EPM2A: variants seen among roughly 807,000 people sequenced by gnomAD.
EPM2A encodes EPM2A glucan phosphatase, laforin, also known as laforin.
A neutral mutation model predicts 26.5 loss-of-function variants in EPM2A; 21 were observed. The observed-to-expected ratio is 0.79, with a 90% CI of 0.56 to 1.14. The LOEUF (loss-of-function observed/expected upper bound fraction) is 1.14. Ranked by LOEUF, EPM2A falls within the 50% of genes most tolerant of loss-of-function variation. The pLI is 0.00. For missense variants in EPM2A, 458 were observed against 440.8 expected (o/e 1.04, Z -0.35); for synonymous variants, 217 against 177.6 (o/e 1.22, Z -1.76).
At chr6:145,692,550 A>T (rs1781342109) in intron 1 of EPM2A, among the ~76,000 whole-genome samples, 1 of 152,056 alleles carries the variant, frequency 6.6e-6, no homozygotes, top group South Asian at 2.1e-4. Context: ...AAATAGTTTT[A>T]GGTTTTATAT....
rs1032839626 is a variant in EPM2A, at chr6:145,627,297, C to T, written c.*119G>A. On this transcript the variant is annotated 3_prime_UTR_variant, in exon 4 of 4. Transcript: ENST00000367519. The stretch of plus-strand genomic sequence containing the variant: ...AGTCATCCCAGGTGAAAGTGGTTGG[C>T]TTGGGGGAGGTCACACAGTCCTTTC... 8 of 1,584,568 alleles carry T rather than the reference C, an allele frequency of 5.0e-6. No homozygotes were observed. In the African/African-American group the frequency reaches 9.5e-5, roughly 19 times the overall value.
intron 4 of EPM2A, among the ~76,000 whole-genome samples, chr6:145,431,324 C>T (rs370126058): frequency 1.2e-3 from 188 of 152,124 alleles, no homozygotes; most frequent in African/African-American, 4.2e-3. Context: ...TGGATGAATA[C>T]CAACAAAAGA....
chr6:145,384,292 A>G (rs1778228844), intron 4 of EPM2A, among the ~76,000 whole-genome samples: 1 of 152,214 alleles, frequency 6.6e-6, no homozygotes, highest in African/African-American at 2.4e-5. Flanking sequence ...ACTATTAACA[A>G]TATCAACAAA....
chr6:145,597,594 T>A (rs1781365083), intron 2 of EPM2A, among the ~76,000 whole-genome samples: 1 of 152,118 alleles, frequency 6.6e-6, no homozygotes, highest in South Asian at 2.1e-4. Context: ...AACTTTTCTT[T>A]TAGGTTTGGG....
At chr6:145,429,478 GAAAT>G (rs1056903522) in intron 4 of EPM2A, among the ~76,000 whole-genome samples, 7 of 151,796 alleles carry the variant, frequency 4.6e-5, no homozygotes, top group Non-Finnish European at 1.0e-4. Flanking sequence ...ACAATGTTCT[GAAAT>G]AATTAAAAAA....
intron 1 of EPM2A, among the ~76,000 whole-genome samples, chr6:145,709,455 G>A (rs949732343): frequency 6.6e-6 from 1 of 152,076 alleles, no homozygotes; most frequent in Non-Finnish European, 1.5e-5. Context: ...TTTTATAAAG[G>A]GGAGTTCTCC....
At chr6:145,397,740 A>G (rs1037070535) in intron 4 of EPM2A, among the ~76,000 whole-genome samples, 1 of 152,170 alleles carries the variant, frequency 6.6e-6, no homozygotes, top group African/African-American at 2.4e-5. Flanking sequence ...TTATTGACCA[A>G]CCTGTGTGCT....
chr6:145,592,059 G>A (rs1260774388), intron 2 of EPM2A, among the ~76,000 whole-genome samples: 3 of 151,856 alleles, frequency 2.0e-5, no homozygotes, highest in Non-Finnish European at 4.4e-5. Flanking sequence ...TGTGCACAAA[G>A]TGCAGGTTTG....
intron 4 of EPM2A, among the ~76,000 whole-genome samples, chr6:145,476,125 T>A (rs1019996222): frequency 2.0e-5 from 3 of 152,038 alleles, no homozygotes; most frequent in Admixed American, 6.6e-5. Flanking sequence ...TTTGCTATAC[T>A]CATATAAGAC....
At chr6:145,521,945 A>G (rs746426144) in intron 2 of EPM2A, among the ~76,000 whole-genome samples, 7 of 152,136 alleles carry the variant, frequency 4.6e-5, no homozygotes, top group Non-Finnish European at 8.8e-5. Flanking sequence ...GGCCCTAAGT[A>G]TAAGTATTGC....
chr6:145,488,495 T>TGTGTG (rs1779706637), intron 4 of EPM2A, among the ~76,000 whole-genome samples: 1 of 131,948 alleles, frequency 7.6e-6, no homozygotes, highest in Non-Finnish European at 1.6e-5. Context: ...ATTTGTGTGG[T>TGTGTG]TGTGTGTGTG....
At chr6:145,725,653 C>T (rs1006171836) in intron 1 of EPM2A, among the ~76,000 whole-genome samples, 2 of 151,964 alleles carry the variant, frequency 1.3e-5, no homozygotes, top group African/African-American at 2.4e-5. Flanking sequence ...TTAAGTGACA[C>T]AAGCCAGTCT....
chr6:145,481,544 A>C (rs904094269), intron 4 of EPM2A, among the ~76,000 whole-genome samples: 2 of 152,100 alleles, frequency 1.3e-5, no homozygotes, highest in Non-Finnish European at 2.9e-5. Context: ...ATAGTTAACT[A>C]TAAGGGGCCA....
chr6:145,484,980 A>C (rs1416737577), intron 4 of EPM2A, among the ~76,000 whole-genome samples: 1 of 126,980 alleles, frequency 7.9e-6, no homozygotes, highest in Non-Finnish European at 1.6e-5. Context: ...TGTCTGATTA[A>C]TGACATTAAA....
At chr6:145,592,983 C>A (rs943615615) in intron 2 of EPM2A, among the ~76,000 whole-genome samples, 1 of 151,898 alleles carries the variant, frequency 6.6e-6, no homozygotes, top group African/African-American at 2.4e-5. Flanking sequence ...TATAAATAAT[C>A]TAAACACACC....
At chr6:145,705,579 G>C in intron 1 of EPM2A, 1 of 456,232 alleles carries the variant, frequency 2.2e-6, no homozygotes, top group South Asian at 1.5e-5. Context: ...AAGAAAAAGT[G>C]CAGGGGTTTG....
intron 4 of EPM2A, among the ~76,000 whole-genome samples, chr6:145,441,107 T>C (rs1027922966): frequency 9.2e-5 from 14 of 152,226 alleles, no homozygotes; most frequent in African/African-American, 3.4e-4. Context: ...GGCATTTCCA[T>C]ACATCCCCTG....
chr6:145,432,003 T>A lies in EPM2A; in HGVS notation c.556-47906A>T, dbSNP rs140207226. On this transcript the variant is annotated intron_variant, in intron 4 of 4. Coordinates refer to the EPM2A transcript ENST00000638717. ...CTCAGAAAATCACATTTTTTATTCATCCATGAGAAGCAATCCCTTTTCTAT... is the reference window on the plus strand; with the variant it reads ...CTCAGAAAATCACATTTTTTATTCAACCATGAGAAGCAATCCCTTTTCTAT... Among the ~76,000 whole-genome samples the A allele has an allele frequency of 4.9e-4, 74 of 152,340 alleles. 1 individual carries two copies. Among genetic ancestry groups the A allele is most frequent in the African/African-American group, 1.6e-3 (68 of 41,578 alleles).
At chr6:145,510,615 T>G (rs1780042473) in intron 2 of EPM2A, among the ~76,000 whole-genome samples, 1 of 152,082 alleles carries the variant, frequency 6.6e-6, no homozygotes, top group Admixed American at 6.5e-5. Flanking sequence ...ATATTTATAG[T>G]GCTAAATGCC....
Sources: allele counts gnomAD v4.1 joint callset (sites outside exome capture counted in the v4.1 genomes callset), GRCh38; gene constraint gnomAD v4.1.1; transcripts MANE v1.5; gene names NCBI Gene and HGNC (gene_info 2026-07-23, HGNC 2026-07-21).